Variants in NTRK3 observed in about 807,000 individuals in gnomAD.
NTRK3 encodes the protein neurotrophic receptor tyrosine kinase 3.
In NTRK3, 24 loss-of-function variants were observed where a neutral mutation model predicts 91.7. The observed-to-expected ratio is 0.26, with a 90% CI of 0.19 to 0.37. The LOEUF (loss-of-function observed/expected upper bound fraction) is 0.37. Ranked by LOEUF, NTRK3 falls within the 10% of genes least tolerant of loss-of-function variation. The probability of loss-of-function intolerance (pLI) is 1.00; values close to 1 mark genes in which losing one functional copy is unlikely to be tolerated. For synonymous variants in NTRK3, 483 were observed against 404.0 expected, an observed-to-expected ratio of 1.20 and a Z score of -2.34; for missense variants, 880 against 1,068.9, an observed-to-expected ratio of 0.82 and a Z score of 2.46.
At chr15:88,109,557 T>C (rs1051330664) in intron 13 of NTRK3, among the ~76,000 whole-genome samples, 2 of 151,994 alleles carry the variant, frequency 1.3e-5, no homozygotes, top group East Asian at 3.9e-4. Context: ...AGAGAGCTTT[T>C]CCCGCCATGT....
chr15:88,094,859 T>C lies in NTRK3; in HGVS notation c.1396+31412A>G, dbSNP rs923504506. 7.9e-5 allele frequency among the ~76,000 whole-genome samples: 12 copies of C among 152,348 alleles called. 2 individuals carry two copies. The South Asian group carries it at 2.1e-3, about 26-fold the overall frequency. On this transcript the variant is annotated intron_variant, in intron 13 of 18. Transcript: ENST00000394480. ...TGTTTCCTGTTGCTGTCAATTATTA[T>C]TATTGCTTAAATTAAGCTGTTTTAA...
intron 14 of NTRK3, among the ~76,000 whole-genome samples, chr15:87,988,033 C>T (rs2074978668): frequency 6.6e-6 from 1 of 152,126 alleles, no homozygotes; most frequent in African/African-American, 2.4e-5. Context: ...CTGTTATTGG[C>T]TTACTTCCAA....
At chr15:88,130,263 G>T (rs2151145161) in intron 10 of NTRK3, among the ~76,000 whole-genome samples, 1 of 152,132 alleles carries the variant, frequency 6.6e-6, no homozygotes, top group Middle Eastern at 3.4e-3. Context: ...ATAAATAAAA[G>T]GTGGAAGAAT....
chr15:88,064,136 A>G (rs1403909658), intron 13 of NTRK3, among the ~76,000 whole-genome samples: 2 of 152,220 alleles, frequency 1.3e-5, no homozygotes, highest in Admixed American at 6.5e-5. Flanking sequence ...GGGGTGATAC[A>G]GATATAAGCT....
rs150339658 is a variant in NTRK3, at chr15:87,969,667, G to A, written c.1586-28914C>T. On this transcript the variant is annotated intron_variant, in intron 14 of 18. Coordinates refer to ENST00000394480, the Ensembl canonical transcript of NTRK3. ...GAATCTTTATGTGAAGGATTCTGCT[G>A]TGTCCCTCTCTCCCTCCTCCTCTCC... is the stretch of plus-strand genomic sequence containing the variant. Among the ~76,000 whole-genome samples, 714 of 152,224 alleles carry A rather than the reference G, an allele frequency of 4.7e-3. 4 individuals are homozygous for A. Among genetic ancestry groups the A allele is most frequent in the Non-Finnish European group, 7.3e-3 (499 of 68,016 alleles).
At chr15:87,921,346 G>A (rs190342061) in intron 17 of NTRK3, among the ~76,000 whole-genome samples, 7 of 152,262 alleles carry the variant, frequency 4.6e-5, no homozygotes, top group African/African-American at 1.2e-4. Flanking sequence ...TTGGTGCCTG[G>A]GTCTACTTAG....
exon 19 of NTRK3, chr15:87,871,387 C>G: frequency 4.3e-6 from 1 of 231,222 alleles, no homozygotes; most frequent in Non-Finnish European, 8.6e-6. Context: ...ATTCACCACA[C>G]CTACTATGGT....
chr15:87,891,759 C>A (rs1159030872), intron 17 of NTRK3, among the ~76,000 whole-genome samples: 8 of 151,964 alleles, frequency 5.3e-5, no homozygotes, highest in Admixed American at 5.3e-4. Flanking sequence ...TGATTGTTTC[C>A]AGTCTTTTGT....
intron 13 of NTRK3, among the ~76,000 whole-genome samples, chr15:88,119,685 G>T (rs577531966): frequency 6.6e-6 from 1 of 152,150 alleles, no homozygotes; most frequent in Non-Finnish European, 1.5e-5. Flanking sequence ...AATAGAAAAA[G>T]AAGTCAAGAA....
chr15:87,908,523 T>G (rs2141713483), intron 17 of NTRK3: 1 of 399,554 alleles, frequency 2.5e-6, no homozygotes, highest in South Asian at 1.3e-4. Context: ...CCTCTGCCGC[T>G]GCCACACCAC....
At chr15:87,982,689 G>A (rs1399587526) in intron 14 of NTRK3, among the ~76,000 whole-genome samples, 2 of 152,182 alleles carry the variant, frequency 1.3e-5, no homozygotes, top group African/African-American at 4.8e-5. Context: ...GAGAGGTTCT[G>A]GAGCCAATCC....
At chr15:87,906,928 T>C (rs1419599969) in intron 17 of NTRK3, among the ~76,000 whole-genome samples, 3 of 152,330 alleles carry the variant, frequency 2.0e-5, no homozygotes, top group South Asian at 4.1e-4. Flanking sequence ...TCTGTTTTAC[T>C]CACAGTTGTA....
In NTRK3 at chr15:88,254,502, G is replaced by A. The variant is rs138177448; in HGVS notation, c.248+1404C>T. On this transcript the variant is annotated intron_variant, in intron 3 of 18. Coordinates refer to ENST00000394480, the Ensembl canonical transcript of NTRK3. ...GGGCCAGGAGTCAGAGACATCTCCT[G>A]GGCTATCCATTTCCCTCAAACTGTC... Among the ~76,000 whole-genome samples the A allele has an allele frequency of 1.5e-3, 227 of 152,232 alleles. 1 individual carries two copies. Among genetic ancestry groups the A allele is most frequent in the African/African-American group, 5.1e-3 (211 of 41,534 alleles).
At chr15:88,227,622 C>G (rs1305191844) in intron 3 of NTRK3, among the ~76,000 whole-genome samples, 1 of 152,162 alleles carries the variant, frequency 6.6e-6, no homozygotes, top group African/African-American at 2.4e-5. Flanking sequence ...TGTTGGACTT[C>G]CAGCCTCTAG....
chr15:87,936,229 A>G (rs1567127141), intron 15 of NTRK3, among the ~76,000 whole-genome samples: 1 of 152,216 alleles, frequency 6.6e-6, no homozygotes. Context: ...AGGTCTCTGA[A>G]GCTGGGGAGG....
intron 14 of NTRK3, among the ~76,000 whole-genome samples, chr15:88,007,347 T>C (rs562663114): frequency 2.6e-5 from 4 of 152,274 alleles, no homozygotes; most frequent in African/African-American, 9.6e-5. Flanking sequence ...AATACCATAC[T>C]GTTGGCTAAG....
At chr15:88,010,311 A>C (rs2076784538) in intron 14 of NTRK3, among the ~76,000 whole-genome samples, 1 of 152,076 alleles carries the variant, frequency 6.6e-6, no homozygotes, top group South Asian at 2.1e-4. Flanking sequence ...TCTCTAAAAC[A>C]CGGCTCCAGT....
intron 5 of NTRK3, among the ~76,000 whole-genome samples, chr15:88,175,457 G>T (rs1445672966): frequency 1.3e-5 from 2 of 152,080 alleles, no homozygotes; most frequent in Non-Finnish European, 2.9e-5. Context: ...CAATTCAAAA[G>T]TTTTTCATAT....
chr15:88,198,535 T>A (rs2048023840), intron 3 of NTRK3, among the ~76,000 whole-genome samples: 1 of 152,164 alleles, frequency 6.6e-6, no homozygotes, highest in Non-Finnish European at 1.5e-5. Flanking sequence ...TCCTGAGAAA[T>A]TTTTCTAGGT....
Sources: allele counts gnomAD v4.1 joint callset (sites outside exome capture counted in the v4.1 genomes callset), GRCh38; gene constraint gnomAD v4.1.1; transcripts MANE v1.5; gene names NCBI Gene and HGNC (gene_info 2026-07-23, HGNC 2026-07-21).